The following HS3ST5 variants were observed in gnomAD, a reference collection of about 807,000 sequenced individuals.
HS3ST5 encodes heparan sulfate-glucosamine 3-sulfotransferase 5, also known as heparan sulfate glucosamine 3-O-sulfotransferase 5.
HS3ST5 carries 10 observed loss-of-function variants against 25.4 expected under a neutral mutation model. The ratio of observed to expected loss-of-function variants is 0.39; its 90% CI spans 0.24 to 0.67. HS3ST5 has a LOEUF of 0.67. HS3ST5 is among the 30% of genes least tolerant of loss of function. The probability of loss-of-function intolerance (pLI) is 0.44; values close to 1 mark genes in which losing one functional copy is unlikely to be tolerated. For missense variants in HS3ST5, 324 were observed against 420.7 expected, an observed-to-expected ratio of 0.77 and a Z score of 2.01; for synonymous variants, 170 against 162.4, an observed-to-expected ratio of 1.05 and a Z score of -0.36.
At chr6:114,252,583 T>C (rs1582760393) in intron 1 of HS3ST5, among the ~76,000 whole-genome samples, 1 of 152,000 alleles carries the variant, frequency 6.6e-6, no homozygotes, top group Non-Finnish European at 1.5e-5. Flanking sequence ...ACTTTCAAGA[T>C]GTTTAAGGGC....
At position 114,125,244 on chromosome 6, in the gene HS3ST5, T is replaced by C. The variant is rs116062986; in HGVS notation, c.-33+43107A>G. Among the ~76,000 whole-genome samples the C allele has an allele frequency of 2.4e-3, 370 of 152,332 alleles. 4 individuals are homozygous for C. Among genetic ancestry groups the C allele is most frequent in the African/African-American group, 8.4e-3 (351 of 41,584 alleles). On this transcript the variant is annotated intron_variant, in intron 3 of 4. Transcript: ENST00000312719. ...TCAAGAGCAATCTAACATATGCCTT[T>C]CAATTAGGAAAAGCATATACAACTT...
intron 1 of HS3ST5, among the ~76,000 whole-genome samples, chr6:114,258,817 T>C (rs1180466357): frequency 6.6e-6 from 1 of 152,202 alleles, no homozygotes; most frequent in Non-Finnish European, 1.5e-5. Flanking sequence ...TGATTTCTAT[T>C]TGATAAGGCT....
chr6:114,124,827 T>C (rs1247077018), intron 3 of HS3ST5, among the ~76,000 whole-genome samples: 3 of 152,204 alleles, frequency 2.0e-5, no homozygotes, highest in Non-Finnish European at 4.4e-5. Flanking sequence ...TTTTGGGTCA[T>C]TTGTTATATT....
Position 114,307,351 on chromosome 6 carries a change from C to A in HS3ST5, c.-339+34844G>T, listed in dbSNP as rs149235823. Among the ~76,000 whole-genome samples the A allele has an allele frequency of 1.0e-3, 145 of 144,542 alleles. 1 individual carries two copies. Among genetic ancestry groups the A allele is most frequent in the African/African-American group, 3.6e-3 (141 of 39,650 alleles). 94.8% of individuals were successfully genotyped at this position (144,542 alleles called of 152,430 possible). A position where few individuals can be genotyped will look rare whatever the true frequency, so the allele number is the denominator to read the frequency against. ...TTTGAAGTATGTATAGCACAAATAT[C>A]CTTACTGTTTTTTTTTTTCCATCTA... On this transcript the variant is annotated intron_variant, in intron 1 of 4. Transcript: ENST00000312719.
At chr6:114,234,316 T>A (rs1489513148) in intron 1 of HS3ST5, among the ~76,000 whole-genome samples, 1 of 148,574 alleles carries the variant, frequency 6.7e-6, no homozygotes, top group Non-Finnish European at 1.5e-5. Flanking sequence ...TTAATATATA[T>A]AATATATATA....
chr6:114,101,505 G>A (rs778430840), intron 3 of HS3ST5, among the ~76,000 whole-genome samples: 1 of 152,120 alleles, frequency 6.6e-6, no homozygotes. Flanking sequence ...GTGCCTGTGG[G>A]TATATCAAAA....
At chr6:114,272,190 T>G (rs1243547414) in intron 1 of HS3ST5, among the ~76,000 whole-genome samples, 4 of 152,148 alleles carry the variant, frequency 2.6e-5, no homozygotes, top group African/African-American at 9.7e-5. Flanking sequence ...TCCTATGTCT[T>G]TACATGTACA....
chr6:114,266,013 C>T (rs990777976), intron 1 of HS3ST5, among the ~76,000 whole-genome samples: 2 of 152,148 alleles, frequency 1.3e-5, no homozygotes, highest in Non-Finnish European at 2.9e-5. Flanking sequence ...ATCTTATAGC[C>T]AATGGCTTGA....
chr6:114,074,867 A>C (rs1412642236), intron 3 of HS3ST5, among the ~76,000 whole-genome samples: 2 of 152,200 alleles, frequency 1.3e-5, no homozygotes, highest in Non-Finnish European at 2.9e-5. Flanking sequence ...CTTCTTAGGC[A>C]TGCTAACATT....
intron 1 of HS3ST5, among the ~76,000 whole-genome samples, chr6:114,319,709 A>G (rs1240751711): frequency 2.0e-5 from 3 of 152,098 alleles, no homozygotes; most frequent in Admixed American, 6.6e-5. Flanking sequence ...ATTCCATTGT[A>G]TGACTATGCC....
Position 114,147,148 on chromosome 6 carries a change from A to T in HS3ST5, c.-33+21203T>A, listed in dbSNP as rs527373783. On this transcript the variant is annotated intron_variant, in intron 3 of 4. Transcript: ENST00000312719. ...TTAACTGTTTACACATTACCAGCACAAAAGAGCTATCTCAGCTCTTGTTGG... is the reference window on the plus strand; with the variant it reads ...TTAACTGTTTACACATTACCAGCACTAAAGAGCTATCTCAGCTCTTGTTGG... Among the ~76,000 whole-genome samples, 33 of 152,332 alleles carry T rather than the reference A, an allele frequency of 2.2e-4. No homozygotes were observed. The South Asian group carries it at 6.6e-3, about 31-fold the overall frequency.
At chr6:114,067,939 T>A (rs1773560509) in intron 3 of HS3ST5, among the ~76,000 whole-genome samples, 1 of 152,122 alleles carries the variant, frequency 6.6e-6, no homozygotes, top group African/African-American at 2.4e-5. Context: ...GATAATAATG[T>A]CTATCTCACA....
rs759917751 is a variant in HS3ST5, at chr6:114,151,568, GTAAC to G, written c.-33+16779_-33+16782del. On this transcript the variant is annotated intron_variant, in intron 3 of 4. Transcript: ENST00000312719. The stretch of plus-strand genomic sequence containing the variant: ...GCCTCTAAAAGAAATACTCATAAAT[GTAAC>G]TAGCCATCTTGTTGATTAGCTTTCT... Among the ~76,000 whole-genome samples, 125 of 152,300 alleles carry G rather than the reference GTAAC, an allele frequency of 8.2e-4. 1 individual carries two copies. The highest frequency in any genetic ancestry group is 1.6e-4 in the Non-Finnish European group (11 of 68,028).
At chr6:114,108,565 C>T (rs1471590017) in intron 3 of HS3ST5, among the ~76,000 whole-genome samples, 2 of 152,094 alleles carry the variant, frequency 1.3e-5, no homozygotes, top group African/African-American at 4.8e-5. Flanking sequence ...GGTAATATCT[C>T]TCCGGCGCCC....
At chr6:114,256,398 A>C (rs1772924912) in intron 1 of HS3ST5, among the ~76,000 whole-genome samples, 1 of 150,730 alleles carries the variant, frequency 6.6e-6, no homozygotes, top group Middle Eastern at 3.4e-3. Context: ...AAAAAAAAAA[A>C]ACAAAAAAAA....
At chr6:114,210,853 C>T (rs1291666307) in intron 2 of HS3ST5, among the ~76,000 whole-genome samples, 1 of 152,188 alleles carries the variant, frequency 6.6e-6, no homozygotes, top group African/African-American at 2.4e-5. Flanking sequence ...CCTCTTTTAT[C>T]CTATGTCTAA....
In HS3ST5 at chr6:114,342,471, C is replaced by G; in HGVS notation, c.-615G>C. On this transcript the variant is annotated 5_prime_UTR_variant, in exon 1 of 5. Coordinates refer to ENST00000312719, the MANE Select transcript of HS3ST5 (RefSeq NM_153612.4). ...GCGAGGTCTGAGGCGGGGAGCCGGG[C>G]GGGGGGGCAGGCGGGCGAGAAGTAG... is the stretch of plus-strand genomic sequence containing the variant. 5.5e-6 allele frequency: 1 copy of G among 180,746 alleles called. No individual in the cohort carries two copies. Among genetic ancestry groups the G allele is most frequent in the Non-Finnish European group, 1.1e-5 (1 of 90,404 alleles). 11.2% of individuals were successfully genotyped at this position (180,746 alleles called of 1,614,324 possible). A position where few individuals can be genotyped will look rare whatever the true frequency, so the allele number is the denominator to read the frequency against.
At chr6:114,227,354 G>A (rs1771349384) in intron 2 of HS3ST5, among the ~76,000 whole-genome samples, 2 of 151,390 alleles carry the variant, frequency 1.3e-5, no homozygotes, top group South Asian at 4.2e-4. Context: ...ATGTCTATAA[G>A]CCTGAAATCC....
At chr6:114,187,535 C>T (rs558614595) in intron 2 of HS3ST5, among the ~76,000 whole-genome samples, 15 of 152,220 alleles carry the variant, frequency 9.9e-5, no homozygotes, top group Admixed American at 6.5e-4. Context: ...CAAACTTGAA[C>T]GGATGAGGAG....
Sources: allele counts gnomAD v4.1 joint callset (sites outside exome capture counted in the v4.1 genomes callset), GRCh38; gene constraint gnomAD v4.1.1; transcripts MANE v1.5; gene names NCBI Gene and HGNC (gene_info 2026-07-23, HGNC 2026-07-21).